Variants in DPP10 observed in about 807,000 individuals in gnomAD.
DPP10 encodes the protein dipeptidyl peptidase like 10.
Under a neutral mutation model 120.9 loss-of-function variants are expected in DPP10, and 33 were observed. That is an observed-to-expected ratio of 0.27 (90% confidence interval 0.21 to 0.37). The LOEUF (loss-of-function observed/expected upper bound fraction) is 0.37, where lower values mean the gene tolerates loss of function less well. DPP10 is among the 10% of genes least tolerant of loss of function. The pLI is 1.00. For missense variants in DPP10, 816 were observed against 942.8 expected, an observed-to-expected ratio of 0.87 and a Z score of 1.76; for synonymous variants, 337 against 326.1, an observed-to-expected ratio of 1.03 and a Z score of -0.36.
rs575598957 is a variant in DPP10, at chr2:115,375,873, A to G, written c.271+31961A>G. ...AACAACAAGAAGAAAATCCACACCC[A>G]TGATCCAGTCACCTCCCATCAGACC... On this transcript the variant is annotated intron_variant, in intron 3 of 25. Transcript: ENST00000410059. Among the ~76,000 whole-genome samples, 7 of 152,348 alleles carry G rather than the reference A, an allele frequency of 4.6e-5. No individual in the cohort carries two copies. The South Asian group carries it at 1.0e-3, about 23-fold the overall frequency.
intron 1 of DPP10, among the ~76,000 whole-genome samples, chr2:114,484,797 T>C (rs938671784): frequency 1.3e-5 from 2 of 152,126 alleles, no homozygotes; most frequent in East Asian, 1.9e-4. Flanking sequence ...AATGAATATA[T>C]AGCATAATAT....
intron 1 of DPP10, among the ~76,000 whole-genome samples, chr2:114,463,191 A>G (rs952634338): frequency 3.3e-5 from 5 of 152,162 alleles, no homozygotes; most frequent in African/African-American, 4.8e-5. Context: ...GTATGTATAC[A>G]TATCTATAAT....
intron 8 of DPP10, among the ~76,000 whole-genome samples, chr2:115,732,354 T>G (rs897492865): frequency 6.6e-6 from 1 of 152,306 alleles, no homozygotes; most frequent in South Asian, 2.1e-4. Context: ...CCCCAACTAG[T>G]CACTAAATAG....
chr2:114,869,234 A>G lies in DPP10; in HGVS notation c.60+426396A>G, dbSNP rs186353496. Among the ~76,000 whole-genome samples, 555 of 152,238 alleles carry G rather than the reference A, an allele frequency of 3.6e-3. 4 individuals are homozygous for G. Among genetic ancestry groups the G allele is most frequent in the African/African-American group, 0.013 (535 of 41,532 alleles). On this transcript the variant is annotated intron_variant, in intron 1 of 25. Coordinates refer to ENST00000410059, the MANE Select transcript of DPP10 (RefSeq NM_020868.6). The stretch of plus-strand genomic sequence containing the variant: ...ATATATATGTGTATATAATGCCTGT[A>G]TGTATATATATATTATGTTTATGAG...
intron 1 of DPP10, among the ~76,000 whole-genome samples, chr2:114,840,475 C>T (rs1225277444): frequency 6.6e-6 from 1 of 152,084 alleles, no homozygotes; most frequent in African/African-American, 2.4e-5. Flanking sequence ...CTCTGCTCCT[C>T]TCCTGCGAAC....
At chr2:115,728,010 T>C (rs1328899541) in intron 8 of DPP10, 74 bp downstream of exon 8, 1 of 1,506,670 alleles carries the variant, frequency 6.6e-7, no homozygotes, top group Middle Eastern at 1.9e-4. Flanking sequence ...AAAAAATCTA[T>C]TCATTCCGGA....
At position 115,814,826 on chromosome 2, in the gene DPP10, T is replaced by C; in HGVS notation, c.1734T>C (p.Asp578=). Residue 578 remains aspartate (D), a synonymous_variant, in exon 20 of 26, where the codon GAT becomes GAC. Coordinates refer to ENST00000410059, the MANE Select transcript of DPP10 (RefSeq NM_020868.6). ...AACCAGGAGGCCAGCTGGTTACAGA[T>C]AAGTTCCATATTGACTGGGATTCCG... The part of the protein sequence containing the change: ...DEEPGGQLVT[D]KFHIDWDSVL... 1 of 1,578,876 alleles carries C rather than the reference T, an allele frequency of 6.3e-7. No individual in the cohort carries two copies. Among genetic ancestry groups the C allele is most frequent in the African/African-American group, 1.3e-5 (1 of 74,688 alleles).
chr2:114,620,781 G>A (rs187653098), intron 1 of DPP10, among the ~76,000 whole-genome samples: 90 of 152,080 alleles, frequency 5.9e-4, no homozygotes, highest in African/African-American at 2.1e-3. Context: ...TACTTATAAT[G>A]GACTTTTCAC....
chr2:114,647,437 G>T (rs934858312), intron 1 of DPP10, among the ~76,000 whole-genome samples: 1 of 152,076 alleles, frequency 6.6e-6, no homozygotes, highest in Non-Finnish European at 1.5e-5. Flanking sequence ...GAGCTATTTA[G>T]GGAATTTCCC....
chr2:115,561,389 T>G (rs1243648021), intron 5 of DPP10, among the ~76,000 whole-genome samples: 1 of 116,278 alleles, frequency 8.6e-6, no homozygotes, highest in Non-Finnish European at 1.8e-5. Context: ...AAAAAAGGAA[T>G]CTCAAGGATT....
intron 1 of DPP10, among the ~76,000 whole-genome samples, chr2:114,473,749 A>T (rs1680133661): frequency 6.6e-6 from 1 of 152,198 alleles, no homozygotes; most frequent in Admixed American, 6.5e-5. Flanking sequence ...ATATTTTTGA[A>T]ATGGAAAGAT....
At chr2:115,204,472 A>G (rs1474472076) in intron 1 of DPP10, among the ~76,000 whole-genome samples, 1 of 152,184 alleles carries the variant, frequency 6.6e-6, no homozygotes, top group East Asian at 1.9e-4. Flanking sequence ...AGTAACAGAA[A>G]AAAAAATAGC....
chr2:115,052,065 C>T (rs1219701404), intron 1 of DPP10, among the ~76,000 whole-genome samples: 1 of 152,088 alleles, frequency 6.6e-6, no homozygotes, highest in African/African-American at 2.4e-5. Context: ...AGTGCTGAGA[C>T]CACTCAGTAA....
At chr2:115,458,638 A>T (rs1050565228) in intron 3 of DPP10, among the ~76,000 whole-genome samples, 1 of 152,168 alleles carries the variant, frequency 6.6e-6, no homozygotes, top group Non-Finnish European at 1.5e-5. Flanking sequence ...TTGTGGATAT[A>T]TATACACACA....
At chr2:115,389,769 T>C (rs532190531) in intron 3 of DPP10, among the ~76,000 whole-genome samples, 1 of 152,182 alleles carries the variant, frequency 6.6e-6, no homozygotes, top group Non-Finnish European at 1.5e-5. Context: ...AAAAGAGTAG[T>C]ATTCAGTTTA....
intron 3 of DPP10, among the ~76,000 whole-genome samples, chr2:115,481,487 G>A (rs911444920): frequency 3.9e-5 from 6 of 152,222 alleles, no homozygotes; most frequent in South Asian, 4.1e-4. Flanking sequence ...ACTTGGAATC[G>A]TAATTCAGGA....
chr2:115,101,451 T>C (rs1324489723), intron 1 of DPP10, among the ~76,000 whole-genome samples: 1 of 152,158 alleles, frequency 6.6e-6, no homozygotes, highest in East Asian at 1.9e-4. Context: ...CTGTCAGAGT[T>C]TGCCATAAAC....
In DPP10 at chr2:115,079,766, A is replaced by T. The variant is rs565140031; in HGVS notation, c.61-229473A>T. On this transcript the variant is annotated intron_variant, in intron 1 of 25. Coordinates refer to ENST00000410059, the MANE Select transcript of DPP10 (RefSeq NM_020868.6). The stretch of plus-strand genomic sequence containing the variant: ...CAGTACTAAATCGCAAAGGCCTCAC[A>T]TCATGATGAGTGACTGCAGCTTGAT... Among the ~76,000 whole-genome samples, 3 of 152,364 alleles carry T rather than the reference A, an allele frequency of 2.0e-5. No homozygotes were observed. In the South Asian group the frequency reaches 6.2e-4, roughly 32 times the overall value.
rs1463709091 is a variant in DPP10, at chr2:114,701,937, T to G, written c.60+259099T>G. ...GCAAGCCTAGAGAGATACCTCTGGA[T>G]AGAAGGTGATTAATTCTCTAGTAAA... On this transcript the variant is annotated intron_variant, in intron 1 of 25. Transcript: ENST00000410059. 3.9e-5 allele frequency among the ~76,000 whole-genome samples: 6 copies of G among 152,264 alleles called. No homozygotes were observed. The East Asian group carries it at 5.8e-4, about 15-fold the overall frequency.
Sources: gnomAD v4.1 joint callset for allele counts (sites outside exome capture counted in the v4.1 genomes callset) on GRCh38, gnomAD v4.1.1 for gene constraint, MANE v1.5 for transcripts, NCBI Gene and HGNC (gene_info 2026-07-23, HGNC 2026-07-21) for gene names.